PDE7B: variants seen among roughly 807,000 people sequenced by gnomAD.
PDE7B encodes phosphodiesterase 7B.
PDE7B carries 29 observed loss-of-function variants against 56.2 expected under a neutral mutation model. That is an observed-to-expected ratio of 0.52 (90% CI 0.38 to 0.70). PDE7B has a LOEUF of 0.70. Ranked by LOEUF, PDE7B falls within the 30% of genes least tolerant of loss-of-function variation. The pLI is 0.00. For synonymous variants in PDE7B, 197 were observed against 196.9 expected (o/e 1.00, Z 0.00); for missense variants, 490 against 565.0 (o/e 0.87, Z 1.35).
intron 1 of PDE7B, among the ~76,000 whole-genome samples, chr6:135,908,621 C>T (rs1776158223): frequency 6.6e-6 from 1 of 152,108 alleles, no homozygotes; most frequent in Admixed American, 6.5e-5. Flanking sequence ...GTATTATATT[C>T]ACACATTAGA....
intron 2 of PDE7B, among the ~76,000 whole-genome samples, chr6:136,059,100 G>T (rs987291189): frequency 1.3e-5 from 2 of 152,186 alleles, no homozygotes; most frequent in Non-Finnish European, 2.9e-5. Flanking sequence ...TGGGCCAGGG[G>T]TGGTCTAACT....
intron 2 of PDE7B, chr6:136,044,561 G>C (rs1776468935): frequency 6.6e-6 from 1 of 152,124 alleles, no homozygotes; most frequent in South Asian, 2.1e-4. Context: ...ATACACAAGA[G>C]TGAAGTTCAG....
intron 3 of PDE7B, among the ~76,000 whole-genome samples, chr6:136,131,494 G>GCTT (rs1314089914): frequency 2.4e-5 from 2 of 84,684 alleles, no homozygotes; most frequent in Admixed American, 1.5e-4. Context: ...ATCCTGGCAG[G>GCTT]TTTTTTTTTT....
intron 2 of PDE7B, among the ~76,000 whole-genome samples, chr6:136,091,981 G>A (rs529205676): frequency 2.0e-5 from 3 of 152,148 alleles, no homozygotes; most frequent in Admixed American, 6.6e-5. Flanking sequence ...TAGGAGTAAA[G>A]CCATAAGCAG....
At position 135,994,004 on chromosome 6, in the gene PDE7B, G is replaced by A. The variant is rs562876122; in HGVS notation, c.82+46480G>A. ...AAAACAGCTTGCAGAAATCTAAGAG[G>A]GATCCCAGTTTCTCAGTTCTGTTTT... On this transcript the variant is annotated intron_variant, in intron 2 of 12. Transcript: ENST00000308191. 5.9e-5 allele frequency among the ~76,000 whole-genome samples: 9 copies of A among 152,110 alleles called. No homozygotes were observed. The South Asian group carries it at 1.9e-3, about 32-fold the overall frequency.
At position 136,191,788 on chromosome 6, in the gene PDE7B, A is replaced by G. The variant is rs1442501807; in HGVS notation, c.1301A>G (p.Asp434Gly). 1 of 1,570,064 alleles carries G rather than the reference A, an allele frequency of 6.4e-7. No individual in the cohort carries two copies. The highest frequency in any genetic ancestry group is 8.6e-7 in the Non-Finnish European group (1 of 1,158,242). Reference protein sequence around the residue: ...RGSSGSGPDHDHAGQGTESEE... With the variant: ...RGSSGSGPDHGHAGQGTESEE... ...AGCAGTGGCAGCGGGCCTGACCACGACCACGCAGGCCAAGGGACTGAGAGC... is the reference window on the plus strand; with the variant it reads ...AGCAGTGGCAGCGGGCCTGACCACGGCCACGCAGGCCAAGGGACTGAGAGC... The change falls in exon 13 of 13, where the codon GAC becomes GGC. Residue 434 changes from aspartate to glycine, a missense_variant. By Grantham distance (94) the Asp-to-Gly change is moderately conservative (BLOSUM62 -1). Coordinates refer to ENST00000308191, the MANE Select transcript of PDE7B (RefSeq NM_018945.4).
At chr6:135,853,202 C>T (rs1701914523) in intron 1 of PDE7B, among the ~76,000 whole-genome samples, 1 of 152,180 alleles carries the variant, frequency 6.6e-6, no homozygotes, top group Admixed American at 6.5e-5. Flanking sequence ...CTATTCTCAA[C>T]ATTGAGAACC....
At chr6:136,014,552 A>C (rs1775944201) in intron 2 of PDE7B, among the ~76,000 whole-genome samples, 2 of 152,194 alleles carry the variant, frequency 1.3e-5, no homozygotes, top group African/African-American at 4.8e-5. Flanking sequence ...TTATATTTCA[A>C]AGAGCTAGAG....
intron 2 of PDE7B, among the ~76,000 whole-genome samples, chr6:136,053,447 C>T (rs1776669939): frequency 6.6e-6 from 1 of 151,952 alleles, no homozygotes; most frequent in Non-Finnish European, 1.5e-5. Context: ...TTTTCTTAAT[C>T]CAGTCTATCA....
At chr6:135,948,467 G>A (rs1376492115) in intron 2 of PDE7B, among the ~76,000 whole-genome samples, 2 of 151,918 alleles carry the variant, frequency 1.3e-5, no homozygotes, top group African/African-American at 4.8e-5. Context: ...GATTATTGGT[G>A]AAAAGCAGAC....
chr6:136,011,393 C>T (rs1775892986), intron 2 of PDE7B, among the ~76,000 whole-genome samples: 1 of 152,096 alleles, frequency 6.6e-6, no homozygotes, highest in Non-Finnish European at 1.5e-5. Context: ...ATCTTGAGCC[C>T]ATTTATCATT....
At chr6:136,094,286 C>T (rs1562491368) in intron 2 of PDE7B, 2 of 152,344 alleles carry the variant, frequency 1.3e-5, no homozygotes, top group African/African-American at 2.4e-5. Context: ...TTTAGAGGAA[C>T]GTGTTCAGAC....
intron 8 of PDE7B, among the ~76,000 whole-genome samples, chr6:136,166,958 C>A (rs952290288): frequency 3.9e-5 from 6 of 152,146 alleles, no homozygotes; most frequent in Non-Finnish European, 8.8e-5. Context: ...TGTCTCATGA[C>A]CTCACTGACT....
chr6:136,035,806 C>G (rs958879028), intron 2 of PDE7B, among the ~76,000 whole-genome samples: 6 of 151,828 alleles, frequency 4.0e-5, no homozygotes, highest in African/African-American at 1.5e-4. Flanking sequence ...AAATGTATAT[C>G]CTTGGATTTT....
At position 135,986,030 on chromosome 6, in the gene PDE7B, CTGTGTTT is replaced by C. The variant is rs1483501768; in HGVS notation, c.82+38508_82+38514del. On this transcript the variant is annotated intron_variant, in intron 2 of 12. Transcript: ENST00000308191. ...GTTACTCCTCCAGCAGAGGTTCAGC[CTGTGTTT>C]TATAGAAGGCACTCATATTGCTCAC... is the stretch of plus-strand genomic sequence containing the variant. Among the ~76,000 whole-genome samples the C allele has an allele frequency of 5.3e-5, 8 of 152,274 alleles. 1 individual carries two copies. The East Asian group carries it at 1.5e-3, about 29-fold the overall frequency.
chr6:135,915,054 C>A (rs1330203889), intron 1 of PDE7B, among the ~76,000 whole-genome samples: 1 of 150,992 alleles, frequency 6.6e-6, no homozygotes, highest in Admixed American at 6.6e-5. Flanking sequence ...TATTGTACTA[C>A]TGCACTCCAG....
At chr6:136,035,787 A>C (rs900945530) in intron 2 of PDE7B, among the ~76,000 whole-genome samples, 2 of 152,184 alleles carry the variant, frequency 1.3e-5, no homozygotes, top group African/African-American at 4.8e-5. Context: ...AGTACAGAGG[A>C]TACAATGGAA....
At chr6:135,919,141 A>ATCAT (rs1194900345) in intron 1 of PDE7B, among the ~76,000 whole-genome samples, 2 of 152,230 alleles carry the variant, frequency 1.3e-5, no homozygotes, top group Non-Finnish European at 2.9e-5. Flanking sequence ...ATGTCTTCTC[A>ATCAT]AAACAAAAGA....
intron 2 of PDE7B, among the ~76,000 whole-genome samples, chr6:136,101,915 A>G (rs1364265494): frequency 4.6e-5 from 7 of 152,154 alleles, no homozygotes; most frequent in Non-Finnish European, 1.0e-4. Flanking sequence ...TTTGGTGCTC[A>G]CTTTTATTAA....
Sources: gnomAD v4.1 joint callset for allele counts (sites outside exome capture counted in the v4.1 genomes callset) on GRCh38, gnomAD v4.1.1 for gene constraint, MANE v1.5 for transcripts, NCBI Gene and HGNC (gene_info 2026-07-23, HGNC 2026-07-21) for gene names.